Variants in KIF26B observed in about 807,000 individuals in gnomAD.
The protein encoded by KIF26B is kinesin family member 26B, also known as kinesin-like protein KIF26B.
A neutral mutation model predicts 151.2 loss-of-function variants in KIF26B; 63 were observed. That is an observed-to-expected ratio of 0.42 (90% CI 0.34 to 0.51). KIF26B has a LOEUF of 0.51. Among genes scored for constraint, KIF26B ranks in the 20% least tolerant of loss-of-function variants. The pLI is 0.07. For synonymous variants in KIF26B, 1,357 were observed against 1,262.1 expected (o/e 1.08, Z -1.59); for missense variants, 2,813 against 2,913.6 (o/e 0.97, Z 0.79).
chr1:245,340,970 T>A (rs1229492960), intron 2 of KIF26B, among the ~76,000 whole-genome samples: 1 of 152,172 alleles, frequency 6.6e-6, no homozygotes, highest in Non-Finnish European at 1.5e-5. Flanking sequence ...GACAGTGGAT[T>A]TGAGACGTAT....
intron 4 of KIF26B, among the ~76,000 whole-genome samples, chr1:245,489,914 G>A (rs1374749486): frequency 6.6e-6 from 1 of 152,216 alleles, no homozygotes; most frequent in Admixed American, 6.5e-5. Context: ...GGTAGATATT[G>A]TTAATATCCC....
At chr1:245,374,452 A>G (rs1673225399) in intron 3 of KIF26B, among the ~76,000 whole-genome samples, 3 of 152,146 alleles carry the variant, frequency 2.0e-5, no homozygotes, top group Admixed American at 6.5e-5. Flanking sequence ...AAGAAGGAAC[A>G]GGGGTGGGTG....
chr1:245,609,159 C>A, intron 7 of KIF26B, 107 bp from the exon 8 acceptor site: 1 of 1,057,582 alleles, frequency 9.5e-7, no homozygotes. Flanking sequence ...TCCCTTTTCC[C>A]CCCTTCCCTG....
intron 3 of KIF26B, among the ~76,000 whole-genome samples, chr1:245,405,882 A>G (rs1048985969): frequency 2.6e-5 from 4 of 152,228 alleles, no homozygotes; most frequent in African/African-American, 9.6e-5. Flanking sequence ...AACTGGAACC[A>G]TGTAAGCCAT....
rs529775774 is a variant in KIF26B, at chr1:245,620,175, C to T, written c.2098+8199C>T. The stretch of plus-strand genomic sequence containing the variant: ...AATGTATTTTTATTCATTGATCTTA[C>T]GAACCACAAAGGGCCAAGGCTCTCT... On this transcript the variant is annotated intron_variant, in intron 9 of 14. Coordinates refer to ENST00000407071, the MANE Select transcript of KIF26B (RefSeq NM_018012.4). Among the ~76,000 whole-genome samples, 28 of 152,080 alleles carry T rather than the reference C, an allele frequency of 1.8e-4. No homozygotes were observed. The East Asian group carries it at 4.4e-3, about 24-fold the overall frequency.
chr1:245,179,616 C>T (rs758010718), intron 2 of KIF26B, among the ~76,000 whole-genome samples: 1 of 150,596 alleles, frequency 6.6e-6, no homozygotes, highest in Non-Finnish European at 1.5e-5. Flanking sequence ...CAGAGCGAGA[C>T]TCCGACTCAA....
rs549148624 is a variant in KIF26B at position 245,239,223 on chromosome 1, G to A, written c.465+82540G>A. 2.6e-5 allele frequency among the ~76,000 whole-genome samples: 4 copies of A among 152,186 alleles called. No homozygotes were observed. The highest frequency in any genetic ancestry group is 2.1e-4 in the South Asian group (1 of 4,814). ...CCAGAGAATGCCTCCATGTTCTTCCGTCATCCGTGCAGATATCAGGCTGCA... is the reference window on the plus strand; with the variant it reads ...CCAGAGAATGCCTCCATGTTCTTCCATCATCCGTGCAGATATCAGGCTGCA... On this transcript the variant is annotated intron_variant, in intron 2 of 14. Coordinates refer to ENST00000407071, the MANE Select transcript of KIF26B (RefSeq NM_018012.4). The surrounding 1 kb of genome is among the most constrained non-coding windows in gnomAD (Gnocchi z 4.3).
intron 2 of KIF26B, among the ~76,000 whole-genome samples, chr1:245,184,425 C>T (rs1288982993): frequency 2.0e-5 from 3 of 152,002 alleles, no homozygotes; most frequent in Non-Finnish European, 4.4e-5. Context: ...CTGGCCTTGG[C>T]GTTTGTGTGT....
intron 4 of KIF26B, among the ~76,000 whole-genome samples, chr1:245,460,094 C>T (rs1659615592): frequency 6.6e-6 from 1 of 152,090 alleles, no homozygotes; most frequent in Non-Finnish European, 1.5e-5. Flanking sequence ...ATTCTCCTGC[C>T]TCAGCCTCCT....
rs61829940 is a variant in KIF26B at position 245,533,685 on chromosome 1, A to G, written c.1167-7082A>G. Reference sequence around the variant, plus strand: ...TAGACACTAAGGATAGGAGATTTCAATTTAATTCTCATGAGATGCACTTAG... The same window carrying G: ...TAGACACTAAGGATAGGAGATTTCAGTTTAATTCTCATGAGATGCACTTAG... On this transcript the variant is annotated intron_variant, in intron 4 of 14. Transcript: ENST00000407071. Among the ~76,000 whole-genome samples, 1,009 of 152,312 alleles carry G rather than the reference A, an allele frequency of 6.6e-3. 4 individuals carry two copies. Among genetic ancestry groups the G allele is most frequent in the Non-Finnish European group, 0.01 (684 of 68,028 alleles).
intron 9 of KIF26B, among the ~76,000 whole-genome samples, chr1:245,626,695 T>C (rs889644681): frequency 3.9e-5 from 6 of 152,210 alleles, no homozygotes; most frequent in Non-Finnish European, 5.9e-5. Flanking sequence ...CTTTGCTCTG[T>C]TGATTGTTTC....
Position 245,230,379 on chromosome 1 carries a change from T to G in KIF26B, c.465+73696T>G, listed in dbSNP as rs555659144. 3.3e-5 allele frequency among the ~76,000 whole-genome samples: 5 copies of G among 152,268 alleles called. No individual in the cohort carries two copies. In the South Asian group the frequency reaches 6.2e-4, roughly 19 times the overall value. Reference sequence around the variant, plus strand: ...CAAGGGATTTCAGACCTATTTTTGCTGGTCTAAGAAAATCCAATTGATGTA... The same window carrying G: ...CAAGGGATTTCAGACCTATTTTTGCGGGTCTAAGAAAATCCAATTGATGTA... On this transcript the variant is annotated intron_variant, in intron 2 of 14. Coordinates refer to ENST00000407071, the MANE Select transcript of KIF26B (RefSeq NM_018012.4).
intron 2 of KIF26B, among the ~76,000 whole-genome samples, chr1:245,192,798 T>C (rs1669131245): frequency 6.6e-6 from 1 of 152,208 alleles, no homozygotes; most frequent in Non-Finnish European, 1.5e-5. Context: ...ATTTGGGGGG[T>C]GCGTGTGCAG....
At chr1:245,268,055 C>G (rs1286753599) in intron 2 of KIF26B, among the ~76,000 whole-genome samples, 1 of 152,114 alleles carries the variant, frequency 6.6e-6, no homozygotes, top group Non-Finnish European at 1.5e-5. Context: ...GCCTATAATC[C>G]TAGCACTTCG....
chr1:245,361,187 C>G (rs562577076), intron 2 of KIF26B, among the ~76,000 whole-genome samples: 10 of 152,318 alleles, frequency 6.6e-5, no homozygotes, highest in Non-Finnish European at 1.5e-4. Context: ...CCCTATTAAT[C>G]GCATTCCCAC....
chr1:245,367,064 G>T lies in KIF26B; in HGVS notation c.696G>T (p.Gly232=), dbSNP rs1392210788. 1 of 1,604,196 alleles carries T rather than the reference G, an allele frequency of 6.2e-7. No homozygotes were observed. The highest frequency in any genetic ancestry group is 1.1e-5 in the South Asian group (1 of 89,614). ...PPLSNIPTLV[G]SRHVGGLQQP... Reference sequence around the variant, plus strand: ...TCTCCAACATCCCCACCCTGGTGGGGTCCCGGCACGTGGGTGGGCTCCAGC... The same window carrying T: ...TCTCCAACATCCCCACCCTGGTGGGTTCCCGGCACGTGGGTGGGCTCCAGC... Residue 232 remains glycine, a synonymous_variant, in exon 3 of 15, where the codon GGG becomes GGT. Transcript: ENST00000407071. The surrounding 1 kb of genome is among the most constrained non-coding windows in gnomAD (Gnocchi z 4.2).
In KIF26B at chr1:245,367,481, T is replaced by C; in HGVS notation, c.999+114T>C. ...GGGAACCCTGTAACTCAGAGCCCAG[T>C]GTTTCCATGTGGCCCCCACAGAGTT... is the stretch of plus-strand genomic sequence containing the variant. On this transcript the variant is annotated intron_variant, in intron 3 of 14. Transcript: ENST00000407071. The surrounding 1 kb of genome is among the most constrained non-coding windows in gnomAD (Gnocchi z 4.2). 1.0e-6 allele frequency: 1 copy of C among 978,038 alleles called. No homozygotes were observed. Among genetic ancestry groups the C allele is most frequent in the Non-Finnish European group, 1.5e-6 (1 of 677,390 alleles). The allele number at this position is 978,038 out of a possible 1,614,324, so 60.6% of individuals were successfully genotyped here. A position where few individuals can be genotyped will look rare whatever the true frequency, so the allele number is the denominator to read the frequency against.
At chr1:245,670,767 T>C (rs1471504209) in intron 10 of KIF26B, among the ~76,000 whole-genome samples, 3 of 152,326 alleles carry the variant, frequency 2.0e-5, no homozygotes, top group South Asian at 2.1e-4. Context: ...ATCCATGAGA[T>C]GTTGGGATAC....
chr1:245,497,618 C>A (rs918827220), intron 4 of KIF26B, among the ~76,000 whole-genome samples: 2 of 152,150 alleles, frequency 1.3e-5, no homozygotes, highest in African/African-American at 2.4e-5. Context: ...ACACGTCAAG[C>A]GCTAACTAAC....
Sources: allele counts gnomAD v4.1 joint callset (sites outside exome capture counted in the v4.1 genomes callset), GRCh38; gene constraint gnomAD v4.1.1; non-coding constraint Gnocchi (gnomAD v3.1); transcripts MANE v1.5; gene names NCBI Gene and HGNC (gene_info 2026-07-23, HGNC 2026-07-21).